Variants in NUMB observed in about 807,000 individuals in gnomAD.
NUMB encodes the protein protein numb homolog.
Under a neutral mutation model 59.7 loss-of-function variants are expected in NUMB, and 29 were observed. The observed-to-expected ratio is 0.49, with a 90% CI of 0.36 to 0.66. The LOEUF (loss-of-function observed/expected upper bound fraction) is 0.66, where lower values mean the gene tolerates loss of function less well. Among genes scored for constraint, NUMB ranks in the 30% least tolerant of loss-of-function variants. NUMB has a pLI of 0.00. For synonymous variants in NUMB, 288 were observed against 288.2 expected (o/e 1.00, Z 0.01); for missense variants, 723 against 822.0 (o/e 0.88, Z 1.47).
intron 4 of NUMB, among the ~76,000 whole-genome samples, chr14:73,327,572 G>A (rs1470438837): frequency 6.6e-6 from 1 of 151,974 alleles, no homozygotes; most frequent in Non-Finnish European, 1.5e-5. Context: ...TTATTAATAT[G>A]AGGCGGACTA....
chr14:73,389,527 T>G (rs1183114158), intron 2 of NUMB, among the ~76,000 whole-genome samples: 1 of 151,964 alleles, frequency 6.6e-6, no homozygotes, highest in Non-Finnish European at 1.5e-5. Flanking sequence ...TTTCACTGTG[T>G]TAGCCAGGAT....
intron 4 of NUMB, among the ~76,000 whole-genome samples, chr14:73,323,875 T>C (rs1891530356): frequency 6.6e-6 from 1 of 152,192 alleles, no homozygotes; most frequent in Non-Finnish European, 1.5e-5. Context: ...GATAACTATG[T>C]ATCAGTGCTG....
chr14:73,384,987 A>G (rs925089399), intron 2 of NUMB, among the ~76,000 whole-genome samples: 2 of 142,416 alleles, frequency 1.4e-5, no homozygotes, highest in African/African-American at 2.6e-5. Context: ...TCTGCCTCCC[A>G]GGTTCAAGCG....
chr14:73,285,830 G>A (rs2139813099), intron 9 of NUMB, among the ~76,000 whole-genome samples: 1 of 151,926 alleles, frequency 6.6e-6, no homozygotes, highest in East Asian at 1.9e-4. Context: ...GGAGGCTGAG[G>A]CAGGAGAATC....
chr14:73,294,950 T>TAAAAAAAAA (rs61179657), intron 7 of NUMB, among the ~76,000 whole-genome samples: 5 of 24,384 alleles, frequency 2.1e-4, no homozygotes, highest in Admixed American at 1.6e-3. Context: ...AACCCATCTC[T>TAAAAAAAAA]AAAAAAAAAA....
At chr14:73,346,952 C>T (rs11848002) in intron 4 of NUMB, among the ~76,000 whole-genome samples, 4,518 of 152,160 alleles carry the variant, frequency 0.03, 231 homozygotes, top group African/African-American at 0.1. Flanking sequence ...CAAGTAGTTC[C>T]CATCTTAATA....
In NUMB at chr14:73,277,313, A is replaced by T; in HGVS notation, c.1241-20T>A. On this transcript the variant is annotated intron_variant, in intron 12 of 12. Transcript: ENST00000555238. Reference sequence around the variant, plus strand: ...CGGTCCCTGGAACCAACAAGATGAGAGACAAAAGAATCAGTTAGGGGCATC... The same window carrying T: ...CGGTCCCTGGAACCAACAAGATGAGTGACAAAAGAATCAGTTAGGGGCATC... 6.4e-7 allele frequency: 1 copy of T among 1,558,432 alleles called. No homozygotes were observed. The highest frequency in any genetic ancestry group is 1.8e-5 in the Admixed American group (1 of 56,392).
chr14:73,301,669 T>G (rs962304623), intron 6 of NUMB, among the ~76,000 whole-genome samples: 1 of 152,070 alleles, frequency 6.6e-6, no homozygotes, highest in African/African-American at 2.4e-5. Context: ...CACAGTGACA[T>G]AATCATAATT....
chr14:73,323,213 A>G lies in NUMB; in HGVS notation c.127-9T>C. 1 of 1,601,650 alleles carries G rather than the reference A, an allele frequency of 6.2e-7. No individual in the cohort carries two copies. The highest frequency in any genetic ancestry group is 8.6e-7 in the Non-Finnish European group (1 of 1,169,150). ...TCTACATGGCCAAGGTACTGTAGAAAGAAGGAAAAGTTAGGGCTATTGCTA... is the reference window on the plus strand; with the variant it reads ...TCTACATGGCCAAGGTACTGTAGAAGGAAGGAAAAGTTAGGGCTATTGCTA... On this transcript the variant is annotated splice_polypyrimidine_tract_variant and intron_variant, in intron 4 of 12. Coordinates refer to ENST00000555238, the MANE Select transcript of NUMB (RefSeq NM_001005743.2).
chr14:73,384,853 C>T (rs1895421240), intron 2 of NUMB, among the ~76,000 whole-genome samples: 2 of 150,462 alleles, frequency 1.3e-5, no homozygotes, highest in African/African-American at 4.9e-5. Flanking sequence ...GCTGAGATTA[C>T]AGGTGTGAGC....
Position 73,453,385 on chromosome 14 carries a change from G to A in NUMB, c.-233+5108C>T, listed in dbSNP as rs369098238. Among the ~76,000 whole-genome samples, 368 of 152,236 alleles carry A rather than the reference G, an allele frequency of 2.4e-3. 3 individuals are homozygous for A. The highest frequency in any genetic ancestry group is 8.4e-3 in the African/African-American group (348 of 41,540). ...GACCTCAGGTGATCCACCCGCCTCAGCCTCCCAAAGTGCTGGGATTACAGG... is the reference window on the plus strand; with the variant it reads ...GACCTCAGGTGATCCACCCGCCTCAACCTCCCAAAGTGCTGGGATTACAGG... On this transcript the variant is annotated intron_variant, in intron 1 of 12. Transcript: ENST00000555238.
chr14:73,296,236 AG>A (rs1361981666), intron 7 of NUMB, among the ~76,000 whole-genome samples: 1 of 152,172 alleles, frequency 6.6e-6, no homozygotes, highest in Non-Finnish European at 1.5e-5. Flanking sequence ...TGAGGTCGGA[AG>A]TTCAAGACCA....
At chr14:73,419,314 T>G (rs1897258400) in intron 1 of NUMB, among the ~76,000 whole-genome samples, 1 of 151,884 alleles carries the variant, frequency 6.6e-6, no homozygotes, top group African/African-American at 2.4e-5. Flanking sequence ...ATTGAGACAA[T>G]CCTGGCTAAC....
At chr14:73,413,367 G>A (rs906312135) in intron 1 of NUMB, among the ~76,000 whole-genome samples, 3 of 151,896 alleles carry the variant, frequency 2.0e-5, no homozygotes, top group African/African-American at 7.3e-5. Context: ...TTACAGGCGT[G>A]AGCCACTGTG....
At chr14:73,326,663 C>T (rs1049844997) in intron 4 of NUMB, among the ~76,000 whole-genome samples, 1 of 151,726 alleles carries the variant, frequency 6.6e-6, no homozygotes, top group Non-Finnish European at 1.5e-5. Flanking sequence ...GAAAACTGAA[C>T]TGATATTGGA....
rs1169989357 is a variant in NUMB, at chr14:73,389,289, A to AC, written c.-101+20647_-101+20648insG. ...CCATCTCTCAAAAAAAAAAAAAAAA[A>AC]AAAACAAAAACAAAAACACTGGTCT... On this transcript the variant is annotated intron_variant, in intron 2 of 12. Transcript: ENST00000555238. Among the ~76,000 whole-genome samples, 98 of 88,694 alleles carry AC rather than the reference A, an allele frequency of 1.1e-3. 1 individual carries two copies. The highest frequency in any genetic ancestry group is 1.6e-3 in the Non-Finnish European group (86 of 53,074). The allele number at this position is 88,694 out of a possible 152,430, so 58.2% of individuals were successfully genotyped here.
intron 1 of NUMB, among the ~76,000 whole-genome samples, chr14:73,445,781 G>A (rs1403003235): frequency 6.6e-6 from 1 of 152,138 alleles, no homozygotes; most frequent in African/African-American, 2.4e-5. Context: ...GCCTAAGAAA[G>A]CAGAGCTGAA....
chr14:73,419,630 T>C (rs982705428), intron 1 of NUMB, among the ~76,000 whole-genome samples: 2 of 152,138 alleles, frequency 1.3e-5, no homozygotes, highest in Non-Finnish European at 2.9e-5. Context: ...CCTTAATGAA[T>C]ATGCAGTTTA....
chr14:73,318,913 T>C (rs185738540), intron 5 of NUMB, among the ~76,000 whole-genome samples: 10 of 152,346 alleles, frequency 6.6e-5, no homozygotes, highest in Admixed American at 6.5e-4. Context: ...AATTCTAAAT[T>C]GTAAGAGAGT....
Sources: gnomAD v4.1 joint callset for allele counts (sites outside exome capture counted in the v4.1 genomes callset) on GRCh38, gnomAD v4.1.1 for gene constraint, MANE v1.5 for transcripts, NCBI Gene and HGNC (gene_info 2026-07-23, HGNC 2026-07-21) for gene names.